The following RBFOX1 variants were observed in gnomAD, a reference collection of about 807,000 sequenced individuals.
RBFOX1 encodes the protein RNA binding fox-1 homolog 1.
In RBFOX1, 8 loss-of-function variants were observed where a neutral mutation model predicts 57.7. The observed-to-expected ratio is 0.14, with a 90% confidence interval of 0.08 to 0.25. The LOEUF is 0.25. Among genes scored for constraint, RBFOX1 ranks in the 10% least tolerant of loss-of-function variants. The pLI, the probability that RBFOX1 is intolerant of heterozygous loss-of-function variation, is 1.00. For synonymous variants in RBFOX1, 326 were observed against 222.4 expected, an observed-to-expected ratio of 1.47 and a Z score of -4.15; for missense variants, 611 against 548.5, an observed-to-expected ratio of 1.11 and a Z score of -1.14.
chr16:5,824,661 G>A (rs557437298), intron 3 of RBFOX1, among the ~76,000 whole-genome samples: 1 of 152,366 alleles, frequency 6.6e-6, no homozygotes, highest in African/African-American at 2.4e-5. Context: ...AAACAAAACT[G>A]AGTTCCACAA....
At chr16:7,167,127 A>G (rs2079728322) in intron 4 of RBFOX1, among the ~76,000 whole-genome samples, 1 of 150,998 alleles carries the variant, frequency 6.6e-6, no homozygotes, top group South Asian at 2.1e-4. Context: ...CTGAGACTAC[A>G]GGTGCCTGTC....
At chr16:5,535,681 G>C (rs902258770) in intron 2 of RBFOX1, among the ~76,000 whole-genome samples, 1 of 152,116 alleles carries the variant, frequency 6.6e-6, no homozygotes, top group Non-Finnish European at 1.5e-5. Context: ...TGCAGAATTT[G>C]GGAACACCAA....
chr16:7,057,070 G>C (rs954290663), intron 4 of RBFOX1, among the ~76,000 whole-genome samples: 2 of 149,396 alleles, frequency 1.3e-5, no homozygotes, highest in Non-Finnish European at 3.0e-5. Context: ...AACAAGGTGA[G>C]CTACTGTTAA....
chr16:6,893,681 T>C (rs1385879623), intron 3 of RBFOX1, among the ~76,000 whole-genome samples: 2 of 152,224 alleles, frequency 1.3e-5, no homozygotes, highest in African/African-American at 2.4e-5. Flanking sequence ...AACTGTACTT[T>C]ATCAATGTGG....
intron 2 of RBFOX1, among the ~76,000 whole-genome samples, chr16:6,566,564 AC>A (rs1268085949): frequency 6.6e-6 from 1 of 152,070 alleles, no homozygotes; most frequent in Non-Finnish European, 1.5e-5. Context: ...ATTTGTCGAG[AC>A]CTTTGTTTGC....
At chr16:7,352,183 T>G (rs1055137255) in intron 4 of RBFOX1, among the ~76,000 whole-genome samples, 1 of 152,174 alleles carries the variant, frequency 6.6e-6, no homozygotes, top group African/African-American at 2.4e-5. Context: ...CTTTGCAGCA[T>G]GGCAGATTTG....
At position 7,595,692 on chromosome 16, in the gene RBFOX1, C is replaced by G. The variant is rs376416223; in HGVS notation, c.561+51C>G. 77 of 1,463,810 alleles carry G rather than the reference C, an allele frequency of 5.3e-5. 1 individual carries two copies. The African/African-American group carries it at 9.7e-4, about 18-fold the overall frequency. The allele number at this position is 1,463,810 out of a possible 1,614,324, so 90.7% of individuals were successfully genotyped here. On this transcript the variant is annotated intron_variant, in intron 8 of 15. Coordinates refer to ENST00000550418, the MANE Select transcript of RBFOX1 (RefSeq NM_018723.4). ...TCATCTTTTTTATAAATGTCTGCTT[C>G]ACGCTCATTCGTTGTTCCAGATGCA...
chr16:5,465,855 A>G (rs1363825918), intron 1 of RBFOX1, among the ~76,000 whole-genome samples: 1 of 152,204 alleles, frequency 6.6e-6, no homozygotes, highest in Non-Finnish European at 1.5e-5. Flanking sequence ...GGCTTTCTCC[A>G]GAATGGCCAG....
In RBFOX1 at chr16:6,940,074, C is replaced by G. The variant is rs1002452945; in HGVS notation, c.-15-111983C>G. Among the ~76,000 whole-genome samples the G allele has an allele frequency of 6.6e-5, 10 of 152,142 alleles. No homozygotes were observed. In the East Asian group the frequency reaches 1.9e-3, roughly 29 times the overall value. ...TACTGAAAATACAAAAAATAGTAATCCCAGTTACTTGGGAGGCTGAGGCAG... is the reference window on the plus strand; with the variant it reads ...TACTGAAAATACAAAAAATAGTAATGCCAGTTACTTGGGAGGCTGAGGCAG... On this transcript the variant is annotated intron_variant, in intron 3 of 15. Transcript: ENST00000550418.
chr16:7,433,146 C>A (rs1240102402), intron 4 of RBFOX1, among the ~76,000 whole-genome samples: 1 of 152,186 alleles, frequency 6.6e-6, no homozygotes, highest in Non-Finnish European at 1.5e-5. Context: ...CTCAAACTTG[C>A]TGATCCTCCC....
chr16:6,574,677 C>T (rs2097399993), intron 2 of RBFOX1, among the ~76,000 whole-genome samples: 1 of 125,806 alleles, frequency 7.9e-6, no homozygotes, highest in Admixed American at 8.0e-5. Context: ...ATCCGCCCGC[C>T]TCGGCCTCCC....
chr16:7,115,242 A>T (rs542814648), intron 4 of RBFOX1, among the ~76,000 whole-genome samples: 1 of 152,196 alleles, frequency 6.6e-6, no homozygotes, highest in Non-Finnish European at 1.5e-5. Context: ...TCCCATGTCA[A>T]TGAATCTTGA....
chr16:7,489,591 C>T (rs1240545600), intron 4 of RBFOX1, among the ~76,000 whole-genome samples: 1 of 152,066 alleles, frequency 6.6e-6, no homozygotes, highest in African/African-American at 2.4e-5. Flanking sequence ...TCATAGCTCA[C>T]TGCAGCCTCG....
chr16:6,954,457 G>A (rs1171036209), intron 3 of RBFOX1, among the ~76,000 whole-genome samples: 2 of 152,048 alleles, frequency 1.3e-5, no homozygotes, highest in Non-Finnish European at 2.9e-5. Context: ...TTGTCAAGCA[G>A]GAACAAAACT....
In RBFOX1 at chr16:7,155,260, T is replaced by C. The variant is rs1274918024; in HGVS notation, c.27+103162T>C. ...AGAGTGAACTTCATATCATCACCTT[T>C]AGAGTTCCAGAATAGCAAGTCTTGA... On this transcript the variant is annotated intron_variant, in intron 4 of 15. Coordinates refer to ENST00000550418, the MANE Select transcript of RBFOX1 (RefSeq NM_018723.4). Among the ~76,000 whole-genome samples the C allele has an allele frequency of 4.6e-5, 7 of 152,034 alleles. No individual in the cohort carries two copies. In the East Asian group the frequency reaches 5.8e-4, roughly 13 times the overall value.
intron 3 of RBFOX1, among the ~76,000 whole-genome samples, chr16:6,661,428 C>G (rs1240634848): frequency 2.0e-5 from 3 of 152,142 alleles, no homozygotes; most frequent in Non-Finnish European, 2.9e-5. Context: ...GGAGAGACTA[C>G]AGCAGTGAGT....
chr16:7,428,390 G>A (rs1418345734), intron 4 of RBFOX1, among the ~76,000 whole-genome samples: 1 of 136,090 alleles, frequency 7.3e-6, no homozygotes, highest in Non-Finnish European at 1.5e-5. Context: ...GCAATGGCAT[G>A]ATCTCGGTTC....
At chr16:6,712,878 G>A (rs965228554) in intron 3 of RBFOX1, among the ~76,000 whole-genome samples, 1 of 134,348 alleles carries the variant, frequency 7.4e-6, no homozygotes, top group Non-Finnish European at 1.5e-5. Flanking sequence ...TTGAATCATG[G>A]GGGTGTTTTT....
intron 1 of RBFOX1, among the ~76,000 whole-genome samples, chr16:6,026,126 C>T (rs1190135557): frequency 6.6e-6 from 1 of 152,152 alleles, no homozygotes; most frequent in Admixed American, 6.5e-5. Context: ...TGTGTCGATT[C>T]TCGTTTTTTA....
Sources: gnomAD v4.1 joint callset for allele counts (sites outside exome capture counted in the v4.1 genomes callset) on GRCh38, gnomAD v4.1.1 for gene constraint, MANE v1.5 for transcripts, NCBI Gene and HGNC (gene_info 2026-07-23, HGNC 2026-07-21) for gene names.